KIAA0319: variants seen among roughly 807,000 people sequenced by gnomAD.
KIAA0319 encodes dyslexia-associated protein KIAA0319.
A neutral mutation model predicts 108.4 loss-of-function variants in KIAA0319; 83 were observed. The ratio of observed to expected loss-of-function variants is 0.77; its 90% CI spans 0.64 to 0.92. KIAA0319 has a LOEUF of 0.92. Ranked by LOEUF, KIAA0319 falls within the 40% of genes least tolerant of loss-of-function variation. KIAA0319 has a pLI of 0.00. For synonymous variants in KIAA0319, 484 were observed against 510.4 expected (o/e 0.95, Z 0.70); for missense variants, 1,195 against 1,322.4 (o/e 0.90, Z 1.49).
At chr6:24,622,033 T>C (rs770901203) in intron 1 of KIAA0319, among the ~76,000 whole-genome samples, 2 of 152,192 alleles carry the variant, frequency 1.3e-5, no homozygotes, top group African/African-American at 2.4e-5. Flanking sequence ...CAACAGAGTC[T>C]GCGAATGCAC....
intron 13 of KIAA0319, among the ~76,000 whole-genome samples, chr6:24,567,449 C>G (rs1409843468): frequency 6.6e-6 from 1 of 152,080 alleles, no homozygotes; most frequent in African/African-American, 2.4e-5. Flanking sequence ...TAACTGTAAT[C>G]CTAACACTTG....
intron 11 of KIAA0319, 25 bp downstream of exon 11, chr6:24,572,550 C>A: frequency 1.2e-6 from 2 of 1,605,286 alleles, no homozygotes; most frequent in Non-Finnish European, 1.7e-6. Context: ...ATCTCTGAGG[C>A]CAAATCTCTT....
At chr6:24,583,749 G>A (rs771744326) in intron 4 of KIAA0319, 47 bp from the exon 5 acceptor site, 12 of 1,133,452 alleles carry the variant, frequency 1.1e-5, no homozygotes, top group Middle Eastern at 4.4e-4. Context: ...AATATAATGT[G>A]TTACATTACT....
intron 20 of KIAA0319, among the ~76,000 whole-genome samples, chr6:24,551,124 G>A (rs1327016314): frequency 3.3e-5 from 5 of 149,900 alleles, no homozygotes; most frequent in Non-Finnish European, 5.9e-5. Context: ...GACTACAGGC[G>A]CACACCACCA....
At chr6:24,547,625 G>A (rs1760816879) in intron 20 of KIAA0319, among the ~76,000 whole-genome samples, 1 of 152,134 alleles carries the variant, frequency 6.6e-6, no homozygotes, top group Admixed American at 6.5e-5. Context: ...TATTCAACTG[G>A]AAGATAACAA....
chr6:24,558,849 T>G (rs1006449364), intron 17 of KIAA0319, among the ~76,000 whole-genome samples, 164 bp downstream of exon 17: 1 of 152,254 alleles, frequency 6.6e-6, no homozygotes, highest in Non-Finnish European at 1.5e-5. Flanking sequence ...CCAAGAGTAG[T>G]TGGCAAATGC....
chr6:24,580,320 C>T (rs946647265), intron 7 of KIAA0319, among the ~76,000 whole-genome samples: 1 of 146,914 alleles, frequency 6.8e-6, no homozygotes, highest in Non-Finnish European at 1.5e-5. Flanking sequence ...CTCCCCCCCC[C>T]ACCCCCCATA....
chr6:24,559,112 C>CTTGAAAAGCTG lies in KIAA0319; in HGVS notation c.2634_2635insCAGCTTTTCAA (p.Val879GlnfsTer32). On this transcript the variant is annotated frameshift_variant, in exon 17 of 21. Coordinates refer to ENST00000378214, the MANE Select transcript of KIAA0319 (RefSeq NM_014809.4). LOFTEE classifies it high-confidence loss of function. ...CGGGCCACTTCAGCAGCTTTGAGAACCTTGAAAGGCGGCCTGCTCTGTACA... is the reference window on the plus strand; with the variant it reads ...CGGGCCACTTCAGCAGCTTTGAGAACTTGAAAAGCTGCTTGAAAGGCGGCCTGCTCTGTACA... 6.2e-7 allele frequency: 1 copy of CTTGAAAAGCTG among 1,613,744 alleles called. No individual in the cohort carries two copies. Among genetic ancestry groups the CTTGAAAAGCTG allele is most frequent in the Non-Finnish European group, 8.5e-7 (1 of 1,180,024 alleles).
intron 14 of KIAA0319, among the ~76,000 whole-genome samples, chr6:24,566,252 G>A (rs1463888089): frequency 2.0e-5 from 3 of 152,162 alleles, no homozygotes; most frequent in Non-Finnish European, 4.4e-5. Context: ...AAGTAGTTAA[G>A]GTTAATTGAG....
At chr6:24,576,622 T>C in intron 9 of KIAA0319, 26 bp from the exon 10 acceptor site, 1 of 1,587,572 alleles carries the variant, frequency 6.3e-7, no homozygotes, top group Non-Finnish European at 8.6e-7. Context: ...GAAGCCGTAG[T>C]TGGAAGAATA....
At chr6:24,561,138 G>C (rs911172223) in intron 16 of KIAA0319, among the ~76,000 whole-genome samples, 2 of 152,216 alleles carry the variant, frequency 1.3e-5, no homozygotes, top group Non-Finnish European at 2.9e-5. Flanking sequence ...GCTGGATTCA[G>C]TTTGATAGTA....
Position 24,568,857 on chromosome 6 carries a change from G to A in KIAA0319, c.2064C>T (p.Thr688=). ...IATVTGLQVG[T]YHFRLTVKDQ... is the part of the protein sequence containing the mutation. ...CTTTCACTGTCAAACGGAAGTGGTAGGTCCCCACCTGGAGACCAGTCACAG... is the reference window on the plus strand; with the variant it reads ...CTTTCACTGTCAAACGGAAGTGGTAAGTCCCCACCTGGAGACCAGTCACAG... Residue 688 remains threonine (T), a synonymous_variant, in exon 13 of 21, where the codon ACC becomes ACT. Coordinates refer to ENST00000378214, the MANE Select transcript of KIAA0319 (RefSeq NM_014809.4). The A allele has an allele frequency of 1.2e-6, 2 of 1,614,142 alleles. No individual in the cohort carries two copies. The highest frequency in any genetic ancestry group is 1.3e-5 in the African/African-American group (1 of 75,030).
Position 24,554,651 on chromosome 6 carries a change from A to T in KIAA0319, c.2858-20T>A, listed in dbSNP as rs372152879. 2.0e-6 allele frequency: 3 copies of T among 1,506,218 alleles called. No homozygotes were observed. In the African/African-American group the frequency reaches 4.1e-5, roughly 21 times the overall value. 93.3% of individuals were successfully genotyped at this position (1,506,218 alleles called of 1,614,324 possible). On this transcript the variant is annotated intron_variant, in intron 18 of 20. Coordinates refer to ENST00000378214, the MANE Select transcript of KIAA0319 (RefSeq NM_014809.4). ...TCCACTCTGAAACACAAGAAAACCAAAGTGGACATAGTTACAGGCTATTTG... is the reference window on the plus strand; with the variant it reads ...TCCACTCTGAAACACAAGAAAACCATAGTGGACATAGTTACAGGCTATTTG...
chr6:24,590,236 G>A (rs1768255112), intron 3 of KIAA0319, among the ~76,000 whole-genome samples: 1 of 151,590 alleles, frequency 6.6e-6, no homozygotes, highest in African/African-American at 2.4e-5. Flanking sequence ...AGCCCCTACT[G>A]GGTTCCAGAT....
chr6:24,584,362 TG>T (rs1401044003), intron 4 of KIAA0319, among the ~76,000 whole-genome samples: 1 of 151,174 alleles, frequency 6.6e-6, no homozygotes, highest in Non-Finnish European at 1.5e-5. Context: ...TTGGCTCCAT[TG>T]GACATTAGTT....
intron 10 of KIAA0319, among the ~76,000 whole-genome samples, chr6:24,574,019 A>G (rs575967464): frequency 6.6e-6 from 1 of 152,244 alleles, no homozygotes; most frequent in East Asian, 1.9e-4. Context: ...GGAGGCTGAG[A>G]CAGAAGAATC....
At chr6:24,611,741 G>A (rs916039020) in intron 1 of KIAA0319, among the ~76,000 whole-genome samples, 6 of 151,864 alleles carry the variant, frequency 4.0e-5, no homozygotes, top group African/African-American at 9.7e-5. Flanking sequence ...AAATATAAGC[G>A]CATTTGAAAT....
rs868667200 is a variant in KIAA0319 at position 24,576,379 on chromosome 6, CAT to C, written c.1721_1722del (p.His574ArgfsTer46). The C allele has an allele frequency of 3.1e-6, 5 of 1,614,024 alleles. No individual in the cohort carries two copies. The highest frequency in any genetic ancestry group is 1.1e-5 in the South Asian group (1 of 91,080). On this transcript the variant is annotated frameshift_variant, in exon 10 of 21. Transcript: ENST00000378214. LOFTEE classifies it high-confidence loss of function. ...GATGGAGAACTTGCCTGCATGACCA[CAT>C]GTTTGCCCTCACTCCCAGGACCCAG... Reference protein sequence around the residue: ...WSLGPGSEGKHVVMQGVQTPY... With the variant: ...WSLGPGSEGKXVVMQGVQTPY...
At chr6:24,551,084 T>C (rs1014866668) in intron 20 of KIAA0319, among the ~76,000 whole-genome samples, 1 of 152,094 alleles carries the variant, frequency 6.6e-6, no homozygotes, top group Non-Finnish European at 1.5e-5. Context: ...TCTCAAGCTA[T>C]TCTTCTGCCT....
Sources: allele counts gnomAD v4.1 joint callset (sites outside exome capture counted in the v4.1 genomes callset), GRCh38; gene constraint gnomAD v4.1.1; transcripts MANE v1.5; gene names NCBI Gene and HGNC (gene_info 2026-07-23, HGNC 2026-07-21).